The following ALDOA variants were observed in gnomAD, a reference collection of about 807,000 sequenced individuals.
ALDOA encodes the protein aldolase, fructose-bisphosphate A.
Under a neutral mutation model 43.9 loss-of-function variants are expected in ALDOA, and 26 were observed. That is an observed-to-expected ratio of 0.59 (90% CI 0.43 to 0.82). The LOEUF is 0.82. Among genes scored for constraint, ALDOA ranks in the 40% least tolerant of loss-of-function variants. The probability of loss-of-function intolerance (pLI) is 0.00; values close to 1 mark genes in which losing one functional copy is unlikely to be tolerated. For missense variants in ALDOA, 498 were observed against 549.5 expected (o/e 0.91, Z 0.94); for synonymous variants, 258 against 222.6 (o/e 1.16, Z -1.42).
intron 6 of ALDOA, 146 bp downstream of exon 6, chr16:30,069,124 C>T: frequency 7.1e-7 from 1 of 1,402,018 alleles, no homozygotes; most frequent in Non-Finnish European, 9.9e-7. Context: ...CTGTTGAAGG[C>T]AGAGGGGCCA....
rs975195206 is a variant in ALDOA, at chr16:30,068,573, A to G, written c.487-73A>G. On this transcript the variant is annotated intron_variant, in intron 4 of 9. Coordinates refer to ENST00000642816, the MANE Select transcript of ALDOA (RefSeq NM_001243177.4). Reference sequence around the variant, plus strand: ...AGCTGAGATTCCACCACTGTACTCCAGCCGGGGCGACAGTGGAAAGGGTGC... The same window carrying G: ...AGCTGAGATTCCACCACTGTACTCCGGCCGGGGCGACAGTGGAAAGGGTGC... 6 of 1,535,852 alleles carry G rather than the reference A, an allele frequency of 3.9e-6. No individual in the cohort carries two copies. The African/African-American group carries it at 6.8e-5, about 17-fold the overall frequency.
chr16:30,066,411 C>T (rs2072106418), intron 1 of ALDOA, among the ~76,000 whole-genome samples: 1 of 152,222 alleles, frequency 6.6e-6, no homozygotes, highest in African/African-American at 2.4e-5. Flanking sequence ...ATTCTGAGCC[C>T]GGAACAGCTG....
upstream of ALDOA, chr16:30,064,346 G>A (rs750464384): frequency 1.5e-5 from 6 of 398,648 alleles, no homozygotes; most frequent in Admixed American, 1.3e-4. Flanking sequence ...AAGGGAGGAG[G>A]GAGATTAGAG....
chr16:30,065,643 G>A (rs1439057555), upstream of ALDOA: 1 of 152,304 alleles, frequency 6.6e-6, no homozygotes, highest in East Asian at 1.9e-4. Context: ...GCCTCTCGGG[G>A]GCGGCCCGTA....
intron 2 of ALDOA, 61 bp downstream of exon 2, chr16:30,067,099 G>C: frequency 6.4e-7 from 1 of 1,568,686 alleles, no homozygotes; most frequent in Non-Finnish European, 8.6e-7. Flanking sequence ...GACCAGAAGT[G>C]CCCCAGGGCC....
upstream of ALDOA, chr16:30,064,842 G>A (rs1222538213): frequency 1.4e-5 from 3 of 217,950 alleles, no homozygotes; most frequent in Non-Finnish European, 1.8e-5. Context: ...GGGCCAACAG[G>A]GTCCAGATGG....
At chr16:30,064,309 GAAC>G, upstream of ALDOA, 1 of 395,826 alleles carries the variant, frequency 2.5e-6, no homozygotes. Context: ...CAGAGAATCA[GAAC>G]AGCCACCATC....
At chr16:30,067,741 T>C in intron 4 of ALDOA, 80 bp downstream of exon 4, 1 of 1,545,352 alleles carries the variant, frequency 6.5e-7, no homozygotes, top group Non-Finnish European at 8.9e-7. Context: ...AGGGAATGAA[T>C]GCTGGATTGG....
intron 6 of ALDOA, 135 bp downstream of exon 6, chr16:30,069,113 G>A: frequency 6.9e-7 from 1 of 1,445,286 alleles, no homozygotes; most frequent in South Asian, 1.2e-5. Flanking sequence ...ACACTCAAGG[G>A]CTGTTGAAGG....
chr16:30,070,205 C>G lies in ALDOA; in HGVS notation c.1250C>G (p.Ala417Gly). 1.9e-6 allele frequency: 3 copies of G among 1,614,138 alleles called. No individual in the cohort carries two copies. The highest frequency in any genetic ancestry group is 2.5e-6 in the Non-Finnish European group (3 of 1,180,016). ...ASESLFVSNH[A>G]Y ...GAGTCCCTCTTCGTCTCTAACCACG[C>G]CTATTAAGCGGAGGTGTTCCCAGGC... The change falls in exon 10 of 10, where the codon GCC (alanine) becomes GGC (glycine). Residue 417 changes from alanine (A) to glycine (G), a missense_variant. Transcript: ENST00000642816.
upstream of ALDOA, chr16:30,065,596 C>A (rs1384244836): frequency 2.0e-5 from 3 of 152,276 alleles, no homozygotes; most frequent in Non-Finnish European, 2.9e-5. Context: ...ATCGTGTTCT[C>A]GGCGCCCGCC....
At chr16:30,070,417 C>T (rs560360519), downstream of ALDOA, 9 of 594,032 alleles carry the variant, frequency 1.5e-5, no homozygotes, top group East Asian at 5.8e-5. Flanking sequence ...AAGGGGGAGT[C>T]GGCCGTCCGT....
chr16:30,067,873 A>G (rs762803827), intron 4 of ALDOA: 1 of 633,318 alleles, frequency 1.6e-6, no homozygotes, highest in Non-Finnish European at 2.8e-6. Context: ...TCAGAAGCTC[A>G]GGGAAGTGAA....
upstream of ALDOA, chr16:30,064,813 T>G (rs1176878046): frequency 1.6e-4 from 22 of 133,336 alleles, no homozygotes; most frequent in South Asian, 2.9e-4. Flanking sequence ...CGGGCCGGGG[T>G]GGGGATGGGG....
In ALDOA at chr16:30,066,895, C is replaced by T. The variant is rs1444034652; in HGVS notation, c.-3C>T. 1 of 1,549,576 alleles carries T rather than the reference C, an allele frequency of 6.5e-7. No homozygotes were observed. The highest frequency in any genetic ancestry group is 1.4e-5 in the African/African-American group (1 of 73,136). On this transcript the variant is annotated 5_prime_UTR_variant, in exon 2 of 10. Coordinates refer to ENST00000642816, the MANE Select transcript of ALDOA (RefSeq NM_001243177.4). ...CGGTTTTGTTTTCAGGCAAGGTGACCCCATGGCAAGGCGCAAGCCAGAAGG... is the reference window on the plus strand; with the variant it reads ...CGGTTTTGTTTTCAGGCAAGGTGACTCCATGGCAAGGCGCAAGCCAGAAGG...
chr16:30,067,224 C>T lies in ALDOA; in HGVS notation c.142-10C>T. The T allele has an allele frequency of 1.9e-6, 3 of 1,612,218 alleles. No homozygotes were observed. The highest frequency in any genetic ancestry group is 1.3e-5 in the African/African-American group (1 of 74,988). On this transcript the variant is annotated splice_polypyrimidine_tract_variant and intron_variant, in intron 2 of 9. Coordinates refer to ENST00000642816, the MANE Select transcript of ALDOA (RefSeq NM_001243177.4). ...CTAACTAGTCCTTCCCCTCTGTTTCCTGTATCCAGGAACTTGCTACTACCA... is the reference window on the plus strand; with the variant it reads ...CTAACTAGTCCTTCCCCTCTGTTTCTTGTATCCAGGAACTTGCTACTACCA...
At position 30,070,316 on chromosome 16, in the gene ALDOA, C is replaced by G. The variant is rs923653523; in HGVS notation, c.*104C>G. 7.4e-6 allele frequency: 8 copies of G among 1,075,872 alleles called. No homozygotes were observed. Among genetic ancestry groups the G allele is most frequent in the Non-Finnish European group, 1.1e-5 (8 of 702,994 alleles). 66.6% of individuals were successfully genotyped at this position (1,075,872 alleles called of 1,614,324 possible). On this transcript the variant is annotated 3_prime_UTR_variant, in exon 10 of 10. Transcript: ENST00000642816. ...GGCTCCAGGCTGGCTTGCCCGCGCT[C>G]TTTCTTCCCTCGTGACAGTGGTGTG...
Position 30,070,310 on chromosome 16 carries a change from C to A in ALDOA, c.*98C>A. 3 of 1,173,898 alleles carry A rather than the reference C, an allele frequency of 2.6e-6. No homozygotes were observed. The highest frequency in any genetic ancestry group is 2.5e-5 in the South Asian group (2 of 80,236). 72.7% of individuals were successfully genotyped at this position (1,173,898 alleles called of 1,614,324 possible). A position where few individuals can be genotyped will look rare whatever the true frequency, so the allele number is the denominator to read the frequency against. Reference sequence around the variant, plus strand: ...CCTCGGGGCTCCAGGCTGGCTTGCCCGCGCTCTTTCTTCCCTCGTGACAGT... The same window carrying A: ...CCTCGGGGCTCCAGGCTGGCTTGCCAGCGCTCTTTCTTCCCTCGTGACAGT... On this transcript the variant is annotated 3_prime_UTR_variant, in exon 10 of 10. Coordinates refer to ENST00000642816, the MANE Select transcript of ALDOA (RefSeq NM_001243177.4).
upstream of ALDOA, chr16:30,064,696 C>T (rs1426991407): frequency 8.1e-6 from 3 of 370,186 alleles, no homozygotes; most frequent in Non-Finnish European, 1.4e-5. Flanking sequence ...ACATGTGGGG[C>T]GGGCAGGAGC....
Sources: gnomAD v4.1 joint callset for allele counts (sites outside exome capture counted in the v4.1 genomes callset) on GRCh38, gnomAD v4.1.1 for gene constraint, MANE v1.5 for transcripts, NCBI Gene and HGNC (gene_info 2026-07-23, HGNC 2026-07-21) for gene names.